The following CEP112 variants were observed in gnomAD, a reference collection of about 807,000 sequenced individuals.
CEP112 encodes the protein centrosomal protein of 112 kDa.
In CEP112, 127 loss-of-function variants were observed where a neutral mutation model predicts 153.0. That is an observed-to-expected ratio of 0.83 (90% CI 0.72 to 0.96). The LOEUF is 0.96. CEP112 is among the 40% of genes least tolerant of loss of function. The pLI is 0.00. For synonymous variants in CEP112, 358 were observed against 374.4 expected (o/e 0.96, Z 0.51); for missense variants, 1,089 against 1,101.2 (o/e 0.99, Z 0.16).
At chr17:66,035,429 A>G (rs1470866891) in intron 12 of CEP112, among the ~76,000 whole-genome samples, 2 of 152,098 alleles carry the variant, frequency 1.3e-5, no homozygotes, top group African/African-American at 4.8e-5. Context: ...ACAAACCTTC[A>G]GGTTCCAACA....
intron 21 of CEP112, among the ~76,000 whole-genome samples, chr17:65,785,025 T>A (rs1288873805): frequency 3.3e-5 from 5 of 152,168 alleles, no homozygotes. Flanking sequence ...ACTAATCTAT[T>A]TTCTGTCTCT....
chr17:65,808,544 C>A (rs1043558596), intron 21 of CEP112, among the ~76,000 whole-genome samples: 4 of 152,036 alleles, frequency 2.6e-5, no homozygotes, highest in Non-Finnish European at 5.9e-5. Flanking sequence ...GGGGAGGGGC[C>A]TGGTAGGAGG....
intron 10 of CEP112, among the ~76,000 whole-genome samples, 187 bp downstream of exon 10, chr17:66,066,591 A>G (rs1378239351): frequency 6.6e-6 from 1 of 152,024 alleles, no homozygotes; most frequent in Non-Finnish European, 1.5e-5. Flanking sequence ...ACACACACAC[A>G]CACACACAAA....
Position 65,689,144 on chromosome 17 carries a change from C to G in CEP112, c.2682G>C (p.Leu894Phe). 1 of 1,611,602 alleles carries G rather than the reference C, an allele frequency of 6.2e-7. No individual in the cohort carries two copies. The highest frequency in any genetic ancestry group is 8.5e-7 in the Non-Finnish European group (1 of 1,177,828). ...GAGAGGGTACCTGTTCCTGTGACTC[C>G]AATTCTTTGTGTTGTAATTTTTTCT... ...CAEKKLQHKE[L>F]ESQEQITYIR... is the part of the protein sequence containing the mutation. The change falls in exon 24 of 27, where the codon TTG becomes TTC. Residue 894 changes from leucine (L) to phenylalanine (F), a missense_variant. Coordinates refer to ENST00000535342, the MANE Select transcript of CEP112 (RefSeq NM_001199165.4).
intron 23 of CEP112, among the ~76,000 whole-genome samples, chr17:65,699,287 C>A (rs1381120912): frequency 6.6e-6 from 1 of 152,154 alleles, no homozygotes; most frequent in Non-Finnish European, 1.5e-5. Flanking sequence ...TAACATTAAC[C>A]AACTCTATAA....
At chr17:65,994,294 TCA>T (rs1419003106) in intron 17 of CEP112, among the ~76,000 whole-genome samples, 2 of 152,188 alleles carry the variant, frequency 1.3e-5, no homozygotes, top group African/African-American at 4.8e-5. Context: ...GGTTTACCTC[TCA>T]ATCTGTGGGA....
intron 21 of CEP112, among the ~76,000 whole-genome samples, chr17:65,836,810 T>TCTCCCC (rs1237684363): frequency 5.7e-4 from 87 of 151,890 alleles, no homozygotes; most frequent in African/African-American, 2.0e-3. Context: ...TCCCTCTCCC[T>TCTCCCC]CTCCCCATCC....
chr17:65,744,953 T>C (rs2051357246), intron 22 of CEP112, among the ~76,000 whole-genome samples: 1 of 152,230 alleles, frequency 6.6e-6, no homozygotes, highest in Non-Finnish European at 1.5e-5. Flanking sequence ...TGAGAAACTC[T>C]GGACAAGTTA....
chr17:65,699,384 C>T (rs958691097), intron 23 of CEP112, among the ~76,000 whole-genome samples: 11 of 152,314 alleles, frequency 7.2e-5, no homozygotes, highest in African/African-American at 2.4e-4. Flanking sequence ...TATATTTCCT[C>T]TCATTCTGTC....
intron 4 of CEP112, among the ~76,000 whole-genome samples, chr17:66,149,021 T>G (rs573014590): frequency 6.6e-6 from 1 of 152,194 alleles, no homozygotes; most frequent in Non-Finnish European, 1.5e-5. Flanking sequence ...CAATTTAAGT[T>G]TCTTCTTATC....
chr17:65,910,834 G>A lies in CEP112; in HGVS notation c.1981-8500C>T, dbSNP rs1454214355. Among the ~76,000 whole-genome samples the A allele has an allele frequency of 2.0e-5, 3 of 151,056 alleles. No homozygotes were observed. In the Admixed American group the frequency reaches 2.0e-4, roughly 10 times the overall value. On this transcript the variant is annotated intron_variant, in intron 19 of 26. Coordinates refer to ENST00000535342, the MANE Select transcript of CEP112 (RefSeq NM_001199165.4). ...GTGTATATCAAAAAGACACACTGTA[G>A]ACCAAGAAAGATAGATTCCAATTGA...
At chr17:65,746,259 G>A (rs577717504) in intron 22 of CEP112, among the ~76,000 whole-genome samples, 24 of 151,528 alleles carry the variant, frequency 1.6e-4, no homozygotes, top group Non-Finnish European at 2.9e-4. Flanking sequence ...TAAGAAGGAC[G>A]TGCTTGCTTT....
chr17:65,786,130 ACTT>A (rs1396325970), intron 21 of CEP112, among the ~76,000 whole-genome samples: 1 of 151,964 alleles, frequency 6.6e-6, no homozygotes, highest in Non-Finnish European at 1.5e-5. Context: ...CATATTTTGC[ACTT>A]CTTTTGTTAA....
rs574913413 is a variant in CEP112, at chr17:66,088,358, T to C, written c.768+7893A>G. Among the ~76,000 whole-genome samples the C allele has an allele frequency of 5.7e-4, 86 of 152,092 alleles. 1 individual carries two copies. The East Asian group carries it at 7.2e-3, about 13-fold the overall frequency. On this transcript the variant is annotated intron_variant, in intron 8 of 26. Transcript: ENST00000535342. Reference sequence around the variant, plus strand: ...CCAGGCGGGCCCAGTGACCTTGGGCTCCAGACTATTCACAGCACGAGGCTG... The same window carrying C: ...CCAGGCGGGCCCAGTGACCTTGGGCCCCAGACTATTCACAGCACGAGGCTG...
chr17:65,705,534 G>A (rs368630615), intron 23 of CEP112, among the ~76,000 whole-genome samples: 5 of 152,158 alleles, frequency 3.3e-5, no homozygotes, highest in African/African-American at 1.2e-4. Flanking sequence ...CAAAAAGCAG[G>A]AGAGCATGGT....
intron 17 of CEP112, among the ~76,000 whole-genome samples, chr17:66,000,824 T>C (rs1457836619): frequency 2.6e-5 from 4 of 152,212 alleles, no homozygotes; most frequent in Non-Finnish European, 5.9e-5. Flanking sequence ...TGTTCTTTAA[T>C]AGGAACATCT....
intron 20 of CEP112, among the ~76,000 whole-genome samples, chr17:65,894,272 G>A (rs552039685): frequency 1.3e-5 from 2 of 152,048 alleles, no homozygotes; most frequent in Non-Finnish European, 2.9e-5. Context: ...TTTTAGAAAA[G>A]AATTCATCTT....
chr17:65,646,365 T>G (rs373091983), intron 24 of CEP112, among the ~76,000 whole-genome samples: 31 of 152,348 alleles, frequency 2.0e-4, no homozygotes, highest in African/African-American at 7.0e-4. Context: ...GACTGTCAAC[T>G]GGGAAAATAT....
intron 6 of CEP112, among the ~76,000 whole-genome samples, chr17:66,111,180 T>C (rs1198220690): frequency 6.6e-6 from 1 of 152,160 alleles, no homozygotes; most frequent in African/African-American, 2.4e-5. Flanking sequence ...CCAGTCAGAA[T>C]GGCTACTATA....
Sources: gnomAD v4.1 joint callset for allele counts (sites outside exome capture counted in the v4.1 genomes callset) on GRCh38, gnomAD v4.1.1 for gene constraint, MANE v1.5 for transcripts, NCBI Gene and HGNC (gene_info 2026-07-23, HGNC 2026-07-21) for gene names.